Variants in CADM2 observed in about 807,000 individuals in gnomAD.
CADM2 encodes the protein cell adhesion molecule 2.
In CADM2, 12 loss-of-function variants were observed where a neutral mutation model predicts 49.8. That is an observed-to-expected ratio of 0.24 (90% confidence interval 0.15 to 0.39). CADM2 has a LOEUF of 0.39. Ranked by LOEUF, CADM2 falls within the 10% of genes least tolerant of loss-of-function variation. The pLI is 1.00. For missense variants in CADM2, 378 were observed against 492.3 expected, an observed-to-expected ratio of 0.77 and a Z score of 2.20; for synonymous variants, 214 against 175.4, an observed-to-expected ratio of 1.22 and a Z score of -1.74.
intron 1 of CADM2, among the ~76,000 whole-genome samples, chr3:85,402,033 T>G (rs2035136882): frequency 1.3e-5 from 2 of 152,194 alleles, no homozygotes; most frequent in Admixed American, 1.3e-4. Flanking sequence ...AAATGTAGAT[T>G]TACTATAATT....
intron 1 of CADM2, among the ~76,000 whole-genome samples, chr3:85,015,170 T>C (rs1310422065): frequency 6.6e-6 from 1 of 152,064 alleles, no homozygotes; most frequent in African/African-American, 2.4e-5. Flanking sequence ...TGTATATATA[T>C]ATAATAGATG....
At chr3:85,097,056 T>A (rs1575854885) in intron 1 of CADM2, among the ~76,000 whole-genome samples, 2 of 152,132 alleles carry the variant, frequency 1.3e-5, no homozygotes, top group East Asian at 3.9e-4. Flanking sequence ...TGTGCAGGTT[T>A]GTTACATATG....
At chr3:85,293,240 A>C (rs2043853984) in intron 1 of CADM2, among the ~76,000 whole-genome samples, 1 of 152,184 alleles carries the variant, frequency 6.6e-6, no homozygotes, top group East Asian at 1.9e-4. Context: ...TAAACCAGGA[A>C]GAAGTTGAAT....
chr3:85,203,379 G>C (rs1161524464), intron 1 of CADM2, among the ~76,000 whole-genome samples: 1 of 152,064 alleles, frequency 6.6e-6, no homozygotes, highest in Non-Finnish European at 1.5e-5. Context: ...GAAGCTGAAG[G>C]AGGAGAGAGA....
intron 1 of CADM2, among the ~76,000 whole-genome samples, chr3:85,663,444 G>C (rs147097426): frequency 1.2e-4 from 18 of 151,844 alleles, no homozygotes; most frequent in African/African-American, 4.1e-4. Flanking sequence ...CTTTCATCTG[G>C]TGATTCTGCT....
chr3:85,662,788 G>A (rs1367321570), intron 1 of CADM2, among the ~76,000 whole-genome samples: 1 of 151,916 alleles, frequency 6.6e-6, no homozygotes, highest in Non-Finnish European at 1.5e-5. Context: ...ATTAAATATA[G>A]CACTTACCAT....
chr3:85,222,587 T>G (rs1184978754), intron 1 of CADM2, among the ~76,000 whole-genome samples: 1 of 152,182 alleles, frequency 6.6e-6, no homozygotes, highest in Non-Finnish European at 1.5e-5. Flanking sequence ...CTGTAACATG[T>G]GTAATCCAAT....
At chr3:84,986,700 A>G (rs1004551410) in intron 1 of CADM2, among the ~76,000 whole-genome samples, 5 of 151,842 alleles carry the variant, frequency 3.3e-5, no homozygotes, top group Non-Finnish European at 7.4e-5. Flanking sequence ...ACATGTATAC[A>G]TATGTAACTA....
chr3:85,844,459 G>A (rs2074788727), intron 3 of CADM2, among the ~76,000 whole-genome samples: 1 of 151,946 alleles, frequency 6.6e-6, no homozygotes, highest in Non-Finnish European at 1.5e-5. Context: ...ATTGATACAG[G>A]CACAATATAT....
chr3:85,964,757 C>T (rs1412794598), intron 8 of CADM2, among the ~76,000 whole-genome samples: 1 of 151,698 alleles, frequency 6.6e-6, no homozygotes, highest in Admixed American at 6.6e-5. Flanking sequence ...GAAAGTAGCA[C>T]ATTTTATGAA....
chr3:85,334,198 G>T (rs9871911), intron 1 of CADM2, among the ~76,000 whole-genome samples: 1 of 151,470 alleles, frequency 6.6e-6, no homozygotes, highest in South Asian at 2.1e-4. Flanking sequence ...ATCTCTCCTG[G>T]AGCAAATGCT....
chr3:85,639,997 T>A lies in CADM2; in HGVS notation c.62-86525T>A, dbSNP rs2064658706. ...AAGTTATCAGTTTTATTTATTACCATTTTTTTCCTTCATCACTTCAAAGCA... is the reference window on the plus strand; with the variant it reads ...AAGTTATCAGTTTTATTTATTACCAATTTTTTCCTTCATCACTTCAAAGCA... On this transcript the variant is annotated intron_variant, in intron 1 of 9. Coordinates refer to ENST00000383699, the MANE Select transcript of CADM2 (RefSeq NM_001167675.2). Among the ~76,000 whole-genome samples, 5 of 152,134 alleles carry A rather than the reference T, an allele frequency of 3.3e-5. No homozygotes were observed. The South Asian group carries it at 8.3e-4, about 25-fold the overall frequency.
chr3:85,402,455 G>T lies in CADM2; in HGVS notation c.62-324067G>T, dbSNP rs557337304. On this transcript the variant is annotated intron_variant, in intron 1 of 9. Transcript: ENST00000383699. ...ACATCCTGTATAAATTTTTGTCTTA[G>T]TTTTTTTTGTTTATTTTACTCTGTA... is the stretch of plus-strand genomic sequence containing the variant. 1.3e-4 allele frequency among the ~76,000 whole-genome samples: 20 copies of T among 151,402 alleles called. No homozygotes were observed. In the South Asian group the frequency reaches 3.3e-3, roughly 25 times the overall value.
Position 85,210,987 on chromosome 3 carries a change from A to T in CADM2, c.61+251319A>T, listed in dbSNP as rs559219790. 4.3e-3 allele frequency among the ~76,000 whole-genome samples: 659 copies of T among 152,200 alleles called. 3 individuals are homozygous for T. The highest frequency in any genetic ancestry group is 0.014 in the African/African-American group (585 of 41,544). On this transcript the variant is annotated intron_variant, in intron 1 of 9. Transcript: ENST00000383699. The stretch of plus-strand genomic sequence containing the variant: ...TGTCATTTGTCTTTTCAAGTTGTGA[A>T]TTTCTTCATGGTTCAATCTTGGTAG...
chr3:85,551,748 A>G (rs1487843238), intron 1 of CADM2, among the ~76,000 whole-genome samples: 1 of 152,152 alleles, frequency 6.6e-6, no homozygotes, highest in Non-Finnish European at 1.5e-5. Flanking sequence ...TTGAAAATCT[A>G]ATGTAAACTC....
chr3:85,852,321 A>T (rs913563105), intron 3 of CADM2, among the ~76,000 whole-genome samples: 10 of 152,244 alleles, frequency 6.6e-5, no homozygotes, highest in Admixed American at 3.3e-4. Context: ...TAAGTGGATT[A>T]GAGACTTTAA....
chr3:86,027,017 A>G (rs1373492479), intron 8 of CADM2, among the ~76,000 whole-genome samples: 2 of 152,172 alleles, frequency 1.3e-5, no homozygotes, highest in African/African-American at 2.4e-5. Flanking sequence ...TAGATTTATA[A>G]TACTCAAGAA....
At chr3:85,782,964 C>A (rs192642980) in intron 2 of CADM2, among the ~76,000 whole-genome samples, 366 of 152,204 alleles carry the variant, frequency 2.4e-3, no homozygotes, top group Non-Finnish European at 4.6e-3. Context: ...AAATGAGATT[C>A]AGTAAACAGT....
intron 3 of CADM2, among the ~76,000 whole-genome samples, chr3:85,850,519 G>C (rs1417948135): frequency 1.3e-5 from 2 of 151,662 alleles, no homozygotes; most frequent in Non-Finnish European, 2.9e-5. Context: ...TAGTAGAGAC[G>C]GGGTTTCACC....
Sources: allele counts gnomAD v4.1 joint callset (sites outside exome capture counted in the v4.1 genomes callset), GRCh38; gene constraint gnomAD v4.1.1; transcripts MANE v1.5; gene names NCBI Gene and HGNC (gene_info 2026-07-23, HGNC 2026-07-21).